The following SLC4A10 variants were observed in gnomAD, a reference collection of about 807,000 sequenced individuals.
The protein encoded by SLC4A10 is sodium-driven chloride bicarbonate exchanger.
A neutral mutation model predicts 137.7 loss-of-function variants in SLC4A10; 42 were observed. The ratio of observed to expected loss-of-function variants is 0.30; its 90% CI spans 0.24 to 0.39. The LOEUF is 0.39. SLC4A10 is among the 10% of genes least tolerant of loss of function. The probability of loss-of-function intolerance (pLI) is 1.00; values close to 1 mark genes in which losing one functional copy is unlikely to be tolerated. For synonymous variants in SLC4A10, 474 were observed against 464.1 expected (o/e 1.02, Z -0.27); for missense variants, 925 against 1,355.0 (o/e 0.68, Z 4.98).
intron 2 of SLC4A10, among the ~76,000 whole-genome samples, chr2:161,793,404 A>G (rs541837843): frequency 1.3e-5 from 2 of 152,210 alleles, no homozygotes; most frequent in East Asian, 3.9e-4. Flanking sequence ...CTGTCAAACT[A>G]GAATTTTATA....
chr2:161,900,540 G>T (rs1384576924), intron 11 of SLC4A10, among the ~76,000 whole-genome samples: 1 of 151,802 alleles, frequency 6.6e-6, no homozygotes, highest in East Asian at 1.9e-4. Flanking sequence ...GATATTATAA[G>T]GTTATTGTCT....
intron 23 of SLC4A10, among the ~76,000 whole-genome samples, chr2:161,968,043 T>C (rs771318397): frequency 1.3e-5 from 2 of 151,952 alleles, no homozygotes; most frequent in Non-Finnish European, 2.9e-5. Flanking sequence ...TAGATCATAC[T>C]CATACCGTGA....
rs190213584 is a variant in SLC4A10, at chr2:161,844,354, A to T, written c.416+4427A>T. Among the ~76,000 whole-genome samples the T allele has an allele frequency of 5.9e-5, 9 of 152,268 alleles. No homozygotes were observed. In the East Asian group the frequency reaches 1.7e-3, roughly 29 times the overall value. ...TGGATTAAGAACAGGTGTGAAAATA[A>T]TATGGATTAAGAACAGTTAATGTCT... On this transcript the variant is annotated intron_variant, in intron 4 of 26. Transcript: ENST00000446997.
chr2:161,852,718 A>G (rs189722402), intron 4 of SLC4A10, among the ~76,000 whole-genome samples: 11 of 152,316 alleles, frequency 7.2e-5, no homozygotes, highest in African/African-American at 2.6e-4. Flanking sequence ...AATTCAAATT[A>G]CTATATTATG....
intron 23 of SLC4A10, among the ~76,000 whole-genome samples, chr2:161,971,526 T>G (rs1389763047): frequency 6.6e-6 from 1 of 152,214 alleles, no homozygotes; most frequent in Non-Finnish European, 1.5e-5. Flanking sequence ...GAACTCATTT[T>G]AAGGTATTTT....
chr2:161,669,197 C>T (rs762108223), intron 1 of SLC4A10, among the ~76,000 whole-genome samples: 19 of 151,776 alleles, frequency 1.3e-4, no homozygotes, highest in South Asian at 4.1e-4. Context: ...TTTATTTTTA[C>T]GAAGAAACAG....
intron 1 of SLC4A10, among the ~76,000 whole-genome samples, chr2:161,703,417 T>C (rs979268424): frequency 4.0e-5 from 6 of 151,684 alleles, no homozygotes; most frequent in Admixed American, 1.3e-4. Flanking sequence ...ATTAATAGTT[T>C]ACTATCATTT....
intron 15 of SLC4A10, among the ~76,000 whole-genome samples, chr2:161,916,041 A>G (rs2105455415): frequency 6.6e-6 from 1 of 152,322 alleles, no homozygotes; most frequent in Non-Finnish European, 1.5e-5. Context: ...CTGTAAGCTA[A>G]GAAGAGAGGA....
At chr2:161,663,911 A>G (rs904523353) in intron 1 of SLC4A10, among the ~76,000 whole-genome samples, 1 of 151,970 alleles carries the variant, frequency 6.6e-6, no homozygotes, top group Non-Finnish European at 1.5e-5. Context: ...ATATTTCATA[A>G]CTGCATACAT....
intron 2 of SLC4A10, among the ~76,000 whole-genome samples, chr2:161,800,793 G>A (rs1248895485): frequency 6.6e-6 from 1 of 152,024 alleles, no homozygotes; most frequent in Admixed American, 6.6e-5. Flanking sequence ...TCTGAAGGAT[G>A]TCAGGAAGGA....
At chr2:161,690,061 G>T (rs951712351) in intron 1 of SLC4A10, among the ~76,000 whole-genome samples, 3 of 152,068 alleles carry the variant, frequency 2.0e-5, no homozygotes, top group Non-Finnish European at 2.9e-5. Context: ...TCTGACAAAG[G>T]TCTAATATAC....
intron 5 of SLC4A10, among the ~76,000 whole-genome samples, chr2:161,855,985 A>T (rs2060077170): frequency 6.6e-6 from 1 of 152,118 alleles, no homozygotes; most frequent in Admixed American, 6.5e-5. Context: ...TGTGTTTTTA[A>T]TCATGTATAT....
intron 1 of SLC4A10, among the ~76,000 whole-genome samples, chr2:161,724,433 G>A (rs758533429): frequency 6.6e-6 from 1 of 152,162 alleles, no homozygotes; most frequent in Non-Finnish European, 1.5e-5. Flanking sequence ...TTCGTCACAT[G>A]TTTATTCACC....
chr2:161,648,780 G>A (rs2036409946), intron 1 of SLC4A10, among the ~76,000 whole-genome samples: 1 of 152,166 alleles, frequency 6.6e-6, no homozygotes, highest in African/African-American at 2.4e-5. Context: ...GTTTTGGAGA[G>A]CTATGCATGT....
chr2:161,933,277 C>CT (rs1461542159), intron 15 of SLC4A10, among the ~76,000 whole-genome samples: 2 of 128,416 alleles, frequency 1.6e-5, no homozygotes, highest in African/African-American at 5.8e-5. Context: ...TCCTTCCTTT[C>CT]TTTTTCTTTC....
intron 10 of SLC4A10, among the ~76,000 whole-genome samples, chr2:161,891,808 A>G (rs181633451): frequency 6.6e-6 from 1 of 151,964 alleles, no homozygotes; most frequent in African/African-American, 2.4e-5. Flanking sequence ...CAATTCGTCA[A>G]ACTCATTCTC....
intron 1 of SLC4A10, among the ~76,000 whole-genome samples, chr2:161,712,131 A>G (rs1335538585): frequency 6.6e-6 from 1 of 151,870 alleles, no homozygotes; most frequent in Non-Finnish European, 1.5e-5. Context: ...CAAACAAAGA[A>G]CAACATGCTA....
intron 10 of SLC4A10, among the ~76,000 whole-genome samples, chr2:161,889,430 T>C (rs1346489719): frequency 6.6e-6 from 1 of 152,158 alleles, no homozygotes; most frequent in African/African-American, 2.4e-5. Context: ...TTTTGGTTGG[T>C]AGGCTATTAA....
intron 3 of SLC4A10, among the ~76,000 whole-genome samples, chr2:161,820,190 G>T (rs1262256936): frequency 6.6e-6 from 1 of 152,188 alleles, no homozygotes; most frequent in Non-Finnish European, 1.5e-5. Context: ...CTCTTTAGGA[G>T]AAATGAAGCA....
Sources: allele counts gnomAD v4.1 joint callset (sites outside exome capture counted in the v4.1 genomes callset), GRCh38; gene constraint gnomAD v4.1.1; transcripts MANE v1.5; gene names NCBI Gene and HGNC (gene_info 2026-07-23, HGNC 2026-07-21).